Variants in TMC4 observed in about 807,000 individuals in gnomAD.
TMC4 encodes the protein voltage-gated chloride channel TMC4.
Under a neutral mutation model 82.0 loss-of-function variants are expected in TMC4, and 70 were observed. The ratio of observed to expected loss-of-function variants is 0.85; its 90% CI spans 0.70 to 1.04. The LOEUF is 1.04. Among genes scored for constraint, TMC4 ranks in the 50% least tolerant of loss-of-function variants. The probability of loss-of-function intolerance (pLI) is 0.00; values close to 1 mark genes in which losing one functional copy is unlikely to be tolerated. For synonymous variants in TMC4, 446 were observed against 406.0 expected, an observed-to-expected ratio of 1.10 and a Z score of -1.18; for missense variants, 879 against 899.0, an observed-to-expected ratio of 0.98 and a Z score of 0.28.
At chr19:54,160,751 A>G (rs1181745429) in intron 13 of TMC4, 127 bp downstream of exon 13, 1 of 1,404,508 alleles carries the variant, frequency 7.1e-7, no homozygotes, top group Non-Finnish European at 9.6e-7. Context: ...CCAGGAGCCT[A>G]GGCCTCCTCC....
At chr19:54,160,402 C>A in intron 14 of TMC4, 28 bp from the exon 15 acceptor site, 8 of 1,579,808 alleles carry the variant, frequency 5.1e-6, no homozygotes, top group Middle Eastern at 1.7e-4. Flanking sequence ...GGAGGTGAGA[C>A]AATCCTCTTC....
At chr19:54,165,357 G>T (rs1469087840) in intron 6 of TMC4, 62 bp downstream of exon 6, 18 of 1,500,280 alleles carry the variant, frequency 1.2e-5, no homozygotes, top group African/African-American at 1.4e-5. Context: ...GGCCCTGTGC[G>T]TTATCTCAGC....
chr19:54,164,056 C>T (rs2075640146), intron 7 of TMC4, among the ~76,000 whole-genome samples, 169 bp from the exon 8 acceptor site: 1 of 149,858 alleles, frequency 6.7e-6, no homozygotes, highest in Admixed American at 6.7e-5. Context: ...CTCGCTGCAA[C>T]CTCTGCCTCC....
Position 54,168,633 on chromosome 19 carries a change from G to C in TMC4, c.490C>G (p.Leu164Val), listed in dbSNP as rs759869579. Residue 164 changes from leucine to valine, a missense_variant, in exon 4 of 15, where the codon CTG becomes GTG. By Grantham distance (32) the Leu-to-Val change is conservative. Coordinates refer to ENST00000619895, the MANE Select transcript of TMC4 (RefSeq NM_144686.4). The stretch of plus-strand genomic sequence containing the variant: ...GAGGCCAGCACGTTAAGAAGGAGCA[G>C]GAAGCGCAGCAGGGAGAAGTAGGAC... ...TESYFSLLRF[L>V]LLLNVLASVL... The C allele has an allele frequency of 1.3e-6, 2 of 1,591,284 alleles. No individual in the cohort carries two copies. Among genetic ancestry groups the C allele is most frequent in the South Asian group, 2.3e-5 (2 of 87,560 alleles).
chr19:54,172,406 C>A (rs10528945), intron 1 of TMC4, among the ~76,000 whole-genome samples: 1 of 67,632 alleles, frequency 1.5e-5, no homozygotes. Context: ...TCCCTCAGAC[C>A]CAGGAGAACA....
chr19:54,162,826 C>G (rs2075601276), intron 9 of TMC4, 56 bp from the exon 10 acceptor site: 2 of 1,553,258 alleles, frequency 1.3e-6, no homozygotes, highest in African/African-American at 2.7e-5. Flanking sequence ...CCTGGAGGCC[C>G]ACGCGTCCGA....
Position 54,163,305 on chromosome 19 carries a change from TTTC to T in TMC4, c.1278-149_1278-147del, listed in dbSNP as rs1299542008. On this transcript the variant is annotated intron_variant, in intron 8 of 14. Coordinates refer to ENST00000619895, the MANE Select transcript of TMC4 (RefSeq NM_144686.4). ...GAATCAGGATTTCTTTCTTTCTTTC[TTTC>T]TTTTTTTTTTTTTTTTTTTTGAGAC... The T allele has an allele frequency of 1.1e-4, 101 of 918,658 alleles. No homozygotes were observed. The African/African-American group carries it at 1.3e-3, about 12-fold the overall frequency. The allele number at this position is 918,658 out of a possible 1,614,324, so 56.9% of individuals were successfully genotyped here.
At position 54,169,802 on chromosome 19, in the gene TMC4, G is replaced by T. The variant is rs571515222; in HGVS notation, c.294-142C>A. 6.4e-6 allele frequency: 8 copies of T among 1,251,212 alleles called. No individual in the cohort carries two copies. The South Asian group carries it at 1.3e-4, about 21-fold the overall frequency. The allele number at this position is 1,251,212 out of a possible 1,614,324, so 77.5% of individuals were successfully genotyped here. On this transcript the variant is annotated intron_variant, in intron 2 of 14. Transcript: ENST00000619895. Reference sequence around the variant, plus strand: ...TAGAATACTCTGTAGCAATAAAAAAGAAACCAGCTGGGTACAGTGGCTCAG... The same window carrying T: ...TAGAATACTCTGTAGCAATAAAAAATAAACCAGCTGGGTACAGTGGCTCAG...
intron 8 of TMC4, chr19:54,163,368 T>G (rs1600558991): frequency 1.5e-6 from 1 of 687,956 alleles, no homozygotes; most frequent in Non-Finnish European, 2.3e-6. Context: ...TGGAGTGCAG[T>G]GGCGCGATCT....
rs373503046 is a variant in TMC4, at chr19:54,164,494, C to G, written c.1053G>C (p.Ala351=). ...VRVLLNLLVV[A]LLGAAFYGVY... is the part of the protein sequence containing the mutation. ...CGCCATAGAAGGCTGCCCCCAGGAG[C>G]GCGACCACCAGCAGGTTGAGCAGCA... The change falls in exon 7 of 15, where the codon GCG becomes GCC. Residue 351 remains alanine (A), a synonymous_variant. Coordinates refer to ENST00000619895, the MANE Select transcript of TMC4 (RefSeq NM_144686.4). 5 of 1,613,810 alleles carry G rather than the reference C, an allele frequency of 3.1e-6. No homozygotes were observed. Among genetic ancestry groups the G allele is most frequent in the Non-Finnish European group, 4.2e-6 (5 of 1,179,974 alleles).
At chr19:54,167,613 CTT>C (rs754706697) in intron 5 of TMC4, among the ~76,000 whole-genome samples, 24 of 136,632 alleles carry the variant, frequency 1.8e-4, no homozygotes, top group African/African-American at 1.3e-4. Context: ...AAACCTTGAT[CTT>C]TTTTTTTTTT....
intron 11 of TMC4, 77 bp from the exon 12 acceptor site, chr19:54,161,337 T>TTTTA (rs1491093859): frequency 9.7e-7 from 1 of 1,035,660 alleles, no homozygotes; most frequent in Admixed American, 4.0e-5. Flanking sequence ...TTTTTTTTTT[T>TTTTA]GAGACAGAGT....
Position 54,160,175 on chromosome 19 carries a change from G to A in TMC4, c.*131C>T, listed in dbSNP as rs1428219941. 9.9e-7 allele frequency: 1 copy of A among 1,006,218 alleles called. No homozygotes were observed. The highest frequency in any genetic ancestry group is 1.4e-6 in the Non-Finnish European group (1 of 709,680). 62.3% of individuals were successfully genotyped at this position (1,006,218 alleles called of 1,614,324 possible). A position where few individuals can be genotyped will look rare whatever the true frequency, so the allele number is the denominator to read the frequency against. On this transcript the variant is annotated 3_prime_UTR_variant, in exon 15 of 15. Transcript: ENST00000619895. ...CGAGAGTCAGGGACGTGGCGGCGAG[G>A]GGCCCTGGAAATCTCCAGATACCAA...
At chr19:54,166,603 A>G (rs1053386161) in intron 5 of TMC4, among the ~76,000 whole-genome samples, 1 of 151,986 alleles carries the variant, frequency 6.6e-6, no homozygotes. Flanking sequence ...TTTTGATGCA[A>G]CTCAGACCGT....
rs35587690 is a variant in TMC4, at chr19:54,163,308, C to CTTTTTTTT, written c.1278-157_1278-150dup. ...TCAGGATTTCTTTCTTTCTTTCTTT[C>CTTTTTTTT]TTTTTTTTTTTTTTTTTTTTGAGAC... On this transcript the variant is annotated intron_variant, in intron 8 of 14. Coordinates refer to ENST00000619895, the MANE Select transcript of TMC4 (RefSeq NM_144686.4). 6 of 593,604 alleles carry CTTTTTTTT rather than the reference C, an allele frequency of 1.0e-5. No homozygotes were observed. The African/African-American group carries it at 1.4e-4, about 13-fold the overall frequency. The allele number at this position is 593,604 out of a possible 1,614,324, so 36.8% of individuals were successfully genotyped here. A position where few individuals can be genotyped will look rare whatever the true frequency, so the allele number is the denominator to read the frequency against.
At position 54,169,658 on chromosome 19, in the gene TMC4, T is replaced by G. The variant is rs747542723; in HGVS notation, c.296A>C (p.Gln99Pro). Reference sequence around the variant, plus strand: ...CACCTGGTCCCTGCTGGCATTTCTTTGCCTGGGAGGGAAACAGGCAGAAAA... The same window carrying G: ...CACCTGGTCCCTGCTGGCATTTCTTGGCCTGGGAGGGAAACAGGCAGAAAA... The part of the protein sequence containing the change: ...WPMQARRAHR[Q>P]RNASRDQVVY... Residue 99 changes from glutamine to proline, a missense_variant and splice_region_variant, in exon 3 of 15, where the codon CAA becomes CCA. Coordinates refer to ENST00000619895, the MANE Select transcript of TMC4 (RefSeq NM_144686.4). The G allele has an allele frequency of 6.2e-7, 1 of 1,613,352 alleles. No homozygotes were observed. Among genetic ancestry groups the G allele is most frequent in the South Asian group, 1.1e-5 (1 of 91,008 alleles).
chr19:54,161,315 CATTT>C lies in TMC4; in HGVS notation c.1687-59_1687-56del. 5 of 1,103,928 alleles carry C rather than the reference CATTT, an allele frequency of 4.5e-6. No individual in the cohort carries two copies. In the African/African-American group the frequency reaches 8.6e-5, roughly 19 times the overall value. The allele number at this position is 1,103,928 out of a possible 1,614,324, so 68.4% of individuals were successfully genotyped here. A position where few individuals can be genotyped will look rare whatever the true frequency, so the allele number is the denominator to read the frequency against. Reference sequence around the variant, plus strand: ...TCTGAAACACAAGAGTCTGTGCCTCCATTTTTTTTTTTTTTTTTTTTTGAGACAG... The same window carrying C: ...TCTGAAACACAAGAGTCTGTGCCTCCTTTTTTTTTTTTTTTTTTGAGACAG... On this transcript the variant is annotated intron_variant, in intron 11 of 14. Transcript: ENST00000619895.
intron 1 of TMC4, 157 bp downstream of exon 1, chr19:54,172,882 A>C: frequency 1.5e-6 from 1 of 668,686 alleles, no homozygotes; most frequent in Non-Finnish European, 2.6e-6. Flanking sequence ...CTGGAGTTCC[A>C]GCCTCCAGTT....
rs1197709643 is a variant in TMC4 at position 54,160,552 on chromosome 19, G to C, written c.1974-7C>G. The C allele has an allele frequency of 1.9e-6, 3 of 1,614,030 alleles. No homozygotes were observed. The highest frequency in any genetic ancestry group is 2.5e-6 in the Non-Finnish European group (3 of 1,179,992). ...AGTGTACGCCATCAGGATGCTGAAG[G>C]AGACAGGAACGGAAGCCACTCCTGA... On this transcript the variant is annotated splice_region_variant and splice_polypyrimidine_tract_variant and intron_variant, in intron 13 of 14. Coordinates refer to ENST00000619895, the MANE Select transcript of TMC4 (RefSeq NM_144686.4).
Sources: allele counts gnomAD v4.1 joint callset (sites outside exome capture counted in the v4.1 genomes callset), GRCh38; gene constraint gnomAD v4.1.1; transcripts MANE v1.5; gene names NCBI Gene and HGNC (gene_info 2026-07-23, HGNC 2026-07-21).